BCL9L: variants seen among roughly 807,000 people sequenced by gnomAD.
BCL9L encodes the protein B-cell CLL/lymphoma 9-like protein.
In BCL9L, 19 loss-of-function variants were observed where a neutral mutation model predicts 99.4. The ratio of observed to expected loss-of-function variants is 0.19; its 90% CI spans 0.13 to 0.28. BCL9L has a LOEUF of 0.28. Ranked by LOEUF, BCL9L falls within the 10% of genes least tolerant of loss-of-function variation. BCL9L has a pLI of 1.00. For missense variants in BCL9L, 2,023 were observed against 2,101.6 expected, an observed-to-expected ratio of 0.96 and a Z score of 0.73; for synonymous variants, 900 against 854.8, an observed-to-expected ratio of 1.05 and a Z score of -0.92.
Position 118,898,717 on chromosome 11 carries a change from GCAAGGACATCTGTCCAGGGTGGCA to G in BCL9L, c.4174_4197del (p.Cys1392_Leu1399del). The stretch of plus-strand genomic sequence containing the variant: ...TGTGGGGGCACGCCTGTCCTGCCCA[GCAAGGACATCTGTCCAGGGTGGCA>G]CATGGACATGTTGAGCCCCCGCTGG... On this transcript the variant is annotated inframe_deletion, in exon 10 of 10. Coordinates refer to ENST00000683865, the MANE Select transcript of BCL9L (RefSeq NM_001378213.1). 6.2e-7 allele frequency: 1 copy of G among 1,612,784 alleles called. No individual in the cohort carries two copies. The highest frequency in any genetic ancestry group is 8.5e-7 in the Non-Finnish European group (1 of 1,179,622).
Position 118,898,306 on chromosome 11 carries a change from C to T in BCL9L, c.*109G>A, listed in dbSNP as rs1314623176. On this transcript the variant is annotated 3_prime_UTR_variant, in exon 10 of 10. Coordinates refer to ENST00000683865, the MANE Select transcript of BCL9L (RefSeq NM_001378213.1). ...ACTCCCTACACAAGCCCCCTCCCAC[C>T]CCCTCCACCCCACCCCGCGACCCAG... is the stretch of plus-strand genomic sequence containing the variant. 2 of 471,596 alleles carry T rather than the reference C, an allele frequency of 4.2e-6. 1 individual carries two copies. Among genetic ancestry groups the T allele is most frequent in the East Asian group, 9.8e-5 (2 of 20,470 alleles). 29.2% of individuals were successfully genotyped at this position (471,596 alleles called of 1,614,324 possible).
Position 118,902,917 on chromosome 11 carries a change from G to C in BCL9L, c.835-9C>G, listed in dbSNP as rs1409542539. ...GGGGGCACTTTAGGGGCCTGCAGAA[G>C]GACAAAGAGAGCATGAGACAGGTAA... is the stretch of plus-strand genomic sequence containing the variant. On this transcript the variant is annotated splice_polypyrimidine_tract_variant and intron_variant, in intron 7 of 9. Transcript: ENST00000683865. This position sits in a 1 kb window ranked among gnomAD's most constrained non-coding sequence, Gnocchi z 7.8. The C allele has an allele frequency of 1.1e-5, 17 of 1,585,726 alleles. No individual in the cohort carries two copies. Among genetic ancestry groups the C allele is most frequent in the Non-Finnish European group, 1.4e-5 (16 of 1,171,126 alleles).
chr11:118,900,077 G>A lies in BCL9L; in HGVS notation c.3246C>T (p.Asn1082=), dbSNP rs377008341. The change falls in exon 9 of 10, where the codon AAC becomes AAT. Residue 1082 remains asparagine, a synonymous_variant. Transcript: ENST00000683865. This position sits in a 1 kb window ranked among gnomAD's most constrained non-coding sequence, Gnocchi z 5.3. Reference sequence around the variant, plus strand: ...TCTGGGTCATCATCAGTGACAGGGGGTTCTGGGAAGGTGTGGGGTCTGGGG... The same window carrying A: ...TCTGGGTCATCATCAGTGACAGGGGATTCTGGGAAGGTGTGGGGTCTGGGG... ...TSSPDPTPSQ[N]PLSLMMTQMS... 38 of 1,613,916 alleles carry A rather than the reference G, an allele frequency of 2.4e-5. 1 individual carries two copies. The South Asian group carries it at 4.2e-4, about 18-fold the overall frequency.
intron 4 of BCL9L, 40 bp from the exon 5 acceptor site, chr11:118,907,642 G>T (rs1164404231): frequency 8.1e-6 from 13 of 1,603,546 alleles, no homozygotes; most frequent in Non-Finnish European, 1.1e-5. Flanking sequence ...GTGCCTAGAG[G>T]CCCCATTATT....
Position 118,908,544 on chromosome 11 carries a change from A to C in BCL9L, c.138T>G (p.Asn46Lys), listed in dbSNP as rs1403176135. Residue 46 changes from asparagine to lysine, a missense_variant, in exon 4 of 10, where the codon AAT becomes AAG. By Grantham distance (94) the Asn-to-Lys change is moderately conservative (BLOSUM62 0). Around this residue, in one of 3 missense-constraint regions of BCL9L, gnomAD observed 1,116 missense variants for 1,194.6 expected, o/e 0.93. Transcript: ENST00000683865. ...KPMHPENKLT[N>K]HGKTGNGGAQ... ...CCCCGCCATTCCCTGTCTTGCCATG[A>C]TTGGTCAATTTATTTTCTGGGTGCA... 6.2e-7 allele frequency: 1 copy of C among 1,613,758 alleles called. No individual in the cohort carries two copies. Among genetic ancestry groups the C allele is most frequent in the Non-Finnish European group, 8.5e-7 (1 of 1,179,956 alleles).
At chr11:118,909,833 A>G in intron 3 of BCL9L, 81 bp downstream of exon 3, 1 of 1,606,894 alleles carries the variant, frequency 6.2e-7, no homozygotes, top group Non-Finnish European at 8.5e-7. Flanking sequence ...TGGCCAGCAC[A>G]GCTTGGGCCC....
chr11:118,910,663 G>T (rs914915837), intron 2 of BCL9L: 1 of 153,156 alleles, frequency 6.5e-6, no homozygotes, highest in African/African-American at 2.4e-5. Context: ...GAGGCAGAGC[G>T]AGCGAGCGAC....
In BCL9L at chr11:118,908,320, G is replaced by A. The variant is rs1940616099; in HGVS notation, c.362C>T (p.Ser121Phe). 8 of 1,594,084 alleles carry A rather than the reference G, an allele frequency of 5.0e-6. No individual in the cohort carries two copies. Among genetic ancestry groups the A allele is most frequent in the Non-Finnish European group, 6.8e-6 (8 of 1,167,898 alleles). ...GGTCCCAGCCTCTCGCTGCTCTCCAGAGTCCACAGACACACTCCGGTCCCT... is the reference window on the plus strand; with the variant it reads ...GGTCCCAGCCTCTCGCTGCTCTCCAAAGTCCACAGACACACTCCGGTCCCT... Reference protein sequence around the residue: ...VKRDRSVSVDSGEQREAGTPS... With the variant: ...VKRDRSVSVDFGEQREAGTPS... The change falls in exon 4 of 10, where the codon TCT (serine) becomes TTT (phenylalanine). Residue 121 changes from serine to phenylalanine, a missense_variant. Ser to Phe is a radical substitution (Grantham distance 155, BLOSUM62 -2). This residue lies in a region of BCL9L where 1,116 missense variants were observed against 1,194.6 expected (regional missense o/e 0.93). Coordinates refer to ENST00000683865, the MANE Select transcript of BCL9L (RefSeq NM_001378213.1).
Position 118,903,551 on chromosome 11 carries a change from G to T in BCL9L, c.533-99C>A. 2.3e-6 allele frequency: 3 copies of T among 1,304,696 alleles called. No individual in the cohort carries two copies. Among genetic ancestry groups the T allele is most frequent in the Non-Finnish European group, 3.3e-6 (3 of 922,432 alleles). 80.8% of individuals were successfully genotyped at this position (1,304,696 alleles called of 1,614,324 possible). On this transcript the variant is annotated intron_variant, in intron 5 of 9. Transcript: ENST00000683865. The surrounding 1 kb of genome is among the most constrained non-coding windows in gnomAD (Gnocchi z 5.6). ...TGATGCTCACAGCCTTACAGCTCGT[G>T]CCCACAGGGACATTTGATGTCAGTA...
Position 118,922,097 on chromosome 11 carries a change from G to A in BCL9L, c.-131+3141C>T, listed in dbSNP as rs998864867. On this transcript the variant is annotated intron_variant, in intron 1 of 9. Transcript: ENST00000683865. This position sits in a 1 kb window ranked among gnomAD's most constrained non-coding sequence, Gnocchi z 6.2. The stretch of plus-strand genomic sequence containing the variant: ...TCGCCCCTCCCACGGCAGCCAGAAT[G>A]CCCTTACTGCCCCTCCCCCAGCCTC... Among the ~76,000 whole-genome samples, 3 of 151,940 alleles carry A rather than the reference G, an allele frequency of 2.0e-5. No homozygotes were observed. The highest frequency in any genetic ancestry group is 7.2e-5 in the African/African-American group (3 of 41,382).
chr11:118,901,466 C>T lies in BCL9L; in HGVS notation c.2277G>A (p.Arg759=), dbSNP rs1179322140. 3.1e-6 allele frequency: 5 copies of T among 1,613,974 alleles called. No homozygotes were observed. In the South Asian group the frequency reaches 3.3e-5, roughly 11 times the overall value. Residue 759 remains arginine (R), a synonymous_variant, in exon 8 of 10, where the codon AGG becomes AGA. Coordinates refer to ENST00000683865, the MANE Select transcript of BCL9L (RefSeq NM_001378213.1). This position sits in a 1 kb window ranked among gnomAD's most constrained non-coding sequence, Gnocchi z 6.6. The part of the protein sequence containing the change: ...LSPPMGQSGL[R]EVDPPMGPGN... Reference sequence around the variant, plus strand: ...CTGGCCCCATGGGTGGGTCCACCTCCCTCAGCCCAGACTGCCCCATGGGAG... The same window carrying T: ...CTGGCCCCATGGGTGGGTCCACCTCTCTCAGCCCAGACTGCCCCATGGGAG...
chr11:118,914,875 C>T lies in BCL9L; in HGVS notation c.-77+3951G>A, dbSNP rs1940917486. On this transcript the variant is annotated intron_variant, in intron 2 of 9. Transcript: ENST00000683865. The surrounding 1 kb of genome is among the most constrained non-coding windows in gnomAD (Gnocchi z 4.4). ...TTTGAGGGCCGGGCGCGGTGGCACA[C>T]GCCTGTAATCCCAGCACTTTAGGAG... 6.6e-6 allele frequency among the ~76,000 whole-genome samples: 1 copy of T among 152,194 alleles called. No homozygotes were observed. Among genetic ancestry groups the T allele is most frequent in the Non-Finnish European group, 1.5e-5 (1 of 68,028 alleles).
chr11:118,899,374 G>A lies in BCL9L; in HGVS notation c.3541C>T (p.Leu1181=). The A allele has an allele frequency of 1.3e-6, 2 of 1,583,144 alleles. No homozygotes were observed. The highest frequency in any genetic ancestry group is 1.3e-5 in the African/African-American group (1 of 74,706). ...GGATGCAGTGGAATGTTGGAGCCCA[G>A]AGGGGTGGGGGAGGGCAGCATGGCG... ...PPAMLPSPTP[L]GSNIPLHPNA... The change falls in exon 10 of 10, where the codon CTG becomes TTG. Residue 1181 remains leucine, a synonymous_variant. Transcript: ENST00000683865.
In BCL9L at chr11:118,897,986, C is replaced by T. The variant is rs1370412606; in HGVS notation, c.*429G>A. The T allele has an allele frequency of 2.4e-6, 1 of 422,488 alleles. No homozygotes were observed. The highest frequency in any genetic ancestry group is 1.8e-5 in the South Asian group (1 of 56,652). 26.2% of individuals were successfully genotyped at this position (422,488 alleles called of 1,614,324 possible). A position where few individuals can be genotyped will look rare whatever the true frequency, so the allele number is the denominator to read the frequency against. On this transcript the variant is annotated 3_prime_UTR_variant, in exon 10 of 10. Transcript: ENST00000683865. ...CGGAGAAACCAAGAGGGAGGTGGAG[C>T]TCCAGCAATGCGGACACGAGGAGAC...
Position 118,909,905 on chromosome 11 carries a change from C to T in BCL9L, c.26+9G>A. ...CACACACATCCCACCCGCCACGACA[C>T]CCACACACCTTGTCTTGTTAGCCAG... On this transcript the variant is annotated intron_variant, in intron 3 of 9. Coordinates refer to ENST00000683865, the MANE Select transcript of BCL9L (RefSeq NM_001378213.1). 6.2e-7 allele frequency: 1 copy of T among 1,614,078 alleles called. No homozygotes were observed. Among genetic ancestry groups the T allele is most frequent in the Non-Finnish European group, 8.5e-7 (1 of 1,179,956 alleles).
At chr11:118,908,771 T>A in intron 3 of BCL9L, 116 bp from the exon 4 acceptor site, 1 of 817,434 alleles carries the variant, frequency 1.2e-6, no homozygotes, top group East Asian at 2.6e-5. Flanking sequence ...GGGGAAGGGG[T>A]GGTATCTCAA....
rs1411191100 is a variant in BCL9L, at chr11:118,921,773, T to C, written c.-130-2894A>G. ...GAGAATCAGAGGGAACCTGTCTGTGTCCTTTCCCCTACTCCTGGGCAGTGG... is the reference window on the plus strand; with the variant it reads ...GAGAATCAGAGGGAACCTGTCTGTGCCCTTTCCCCTACTCCTGGGCAGTGG... On this transcript the variant is annotated intron_variant, in intron 1 of 9. Coordinates refer to ENST00000683865, the MANE Select transcript of BCL9L (RefSeq NM_001378213.1). The surrounding 1 kb of genome is among the most constrained non-coding windows in gnomAD (Gnocchi z 5.4). Among the ~76,000 whole-genome samples the C allele has an allele frequency of 6.6e-6, 1 of 151,902 alleles. No homozygotes were observed. Among genetic ancestry groups the C allele is most frequent in the Non-Finnish European group, 1.5e-5 (1 of 67,954 alleles).
In BCL9L at chr11:118,902,568, C is replaced by A. The variant is rs776011122; in HGVS notation, c.1175G>T (p.Ser392Ile). 1 of 1,601,184 alleles carries A rather than the reference C, an allele frequency of 6.2e-7. No individual in the cohort carries two copies. The highest frequency in any genetic ancestry group is 1.7e-5 in the Admixed American group (1 of 59,994). The change falls in exon 8 of 10, where the codon AGC becomes ATC. Residue 392 changes from serine to isoleucine, a missense_variant. Ser to Ile is a moderately radical substitution (Grantham distance 142). Around this residue, in one of 3 missense-constraint regions of BCL9L, gnomAD observed 1,116 missense variants for 1,194.6 expected, o/e 0.93. Transcript: ENST00000683865. This position sits in a 1 kb window ranked among gnomAD's most constrained non-coding sequence, Gnocchi z 7.8. The stretch of plus-strand genomic sequence containing the variant: ...GGACAAGCCCTCTGAGCCCACCAGG[C>A]TGCGCTGCCCATTTCCAGGGGCGGC... ...EAAAPGNGQR[S>I]LVGSEGLSKE... is the part of the protein sequence containing the mutation.
Position 118,898,317 on chromosome 11 carries a change from C to G in BCL9L, c.*98G>C. 1.1e-6 allele frequency: 1 copy of G among 949,848 alleles called. No homozygotes were observed. Among genetic ancestry groups the G allele is most frequent in the Non-Finnish European group, 1.5e-6 (1 of 683,752 alleles). The allele number at this position is 949,848 out of a possible 1,614,324, so 58.8% of individuals were successfully genotyped here. ...AAGCCCCCTCCCACCCCCTCCACCC[C>G]ACCCCGCGACCCAGGCCATCCCAAC... On this transcript the variant is annotated 3_prime_UTR_variant, in exon 10 of 10. Coordinates refer to ENST00000683865, the MANE Select transcript of BCL9L (RefSeq NM_001378213.1).
Sources: allele counts gnomAD v4.1 joint callset (sites outside exome capture counted in the v4.1 genomes callset), GRCh38; gene constraint gnomAD v4.1.1; regional missense constraint gnomAD v4.1.1; non-coding constraint Gnocchi (gnomAD v3.1); transcripts MANE v1.5; gene names NCBI Gene and HGNC (gene_info 2026-07-23, HGNC 2026-07-21).